The following NEK11 variants were observed in gnomAD, a reference collection of about 807,000 sequenced individuals.
NEK11 encodes the protein serine/threonine-protein kinase Nek11.
Under a neutral mutation model 80.7 loss-of-function variants are expected in NEK11, and 72 were observed. That is an observed-to-expected ratio of 0.89 (90% confidence interval 0.74 to 1.08). NEK11 has a LOEUF of 1.08. Among genes scored for constraint, NEK11 ranks in the 50% least tolerant of loss-of-function variants. The pLI, the probability that NEK11 is intolerant of heterozygous loss-of-function variation, is 0.00. For missense variants in NEK11, 764 were observed against 763.6 expected, an observed-to-expected ratio of 1.00 and a Z score of -0.01; for synonymous variants, 251 against 260.7, an observed-to-expected ratio of 0.96 and a Z score of 0.36.
intron 17 of NEK11, chr3:131,327,115 T>C (rs911688975): frequency 6.6e-6 from 1 of 152,278 alleles, no homozygotes; most frequent in Non-Finnish European, 1.5e-5. Flanking sequence ...AATTCTAATA[T>C]TTATAAATTA....
intron 3 of NEK11, among the ~76,000 whole-genome samples, chr3:131,047,822 G>A (rs183871873): frequency 6.6e-6 from 1 of 152,214 alleles, no homozygotes; most frequent in Non-Finnish European, 1.5e-5. Context: ...CAGGTGGTAG[G>A]TGGGACCATA....
intron 14 of NEK11, among the ~76,000 whole-genome samples, chr3:131,205,693 C>T (rs1367687174): frequency 6.6e-6 from 1 of 152,140 alleles, no homozygotes; most frequent in Non-Finnish European, 1.5e-5. Context: ...CCAGTACCTC[C>T]CTGTTAATTG....
intron 14 of NEK11, among the ~76,000 whole-genome samples, chr3:131,222,111 G>T (rs1435506928): frequency 1.3e-5 from 2 of 152,040 alleles, no homozygotes; most frequent in Non-Finnish European, 2.9e-5. Flanking sequence ...ATATCTTTCA[G>T]AGCTACAAGA....
chr3:131,131,691 A>G (rs1010019114), intron 5 of NEK11, among the ~76,000 whole-genome samples: 2 of 151,576 alleles, frequency 1.3e-5, no homozygotes, highest in Non-Finnish European at 2.9e-5. Flanking sequence ...GATATTCTCT[A>G]TTGGTTTCTT....
intron 3 of NEK11, among the ~76,000 whole-genome samples, chr3:131,062,898 A>C (rs2071160005): frequency 6.6e-6 from 1 of 152,230 alleles, no homozygotes; most frequent in Non-Finnish European, 1.5e-5. Context: ...CACTGTAATC[A>C]ACTACATAAA....
chr3:131,169,688 C>T lies in NEK11; in HGVS notation c.1284+751C>T, dbSNP rs77488289. ...GTACATAGCAGATCAGGTCTCCATA[C>T]GTGGAGAGGTAATGGGGATCAAAGA... On this transcript the variant is annotated intron_variant, in intron 13 of 17. Transcript: ENST00000383366. Among the ~76,000 whole-genome samples, 774 of 152,186 alleles carry T rather than the reference C, an allele frequency of 5.1e-3. 11 individuals are homozygous for T. Among genetic ancestry groups the T allele is most frequent in the African/African-American group, 0.018 (729 of 41,504 alleles).
chr3:131,070,283 T>A (rs1457218719), intron 3 of NEK11, among the ~76,000 whole-genome samples: 1 of 152,210 alleles, frequency 6.6e-6, no homozygotes, highest in Non-Finnish European at 1.5e-5. Flanking sequence ...TTACTACTTT[T>A]CCATTGTTTA....
chr3:131,282,020 A>G (rs1036872232), intron 17 of NEK11, among the ~76,000 whole-genome samples: 29 of 152,342 alleles, frequency 1.9e-4, no homozygotes, highest in Non-Finnish European at 3.5e-4. Flanking sequence ...GTTTCAGCTG[A>G]GATATCCAAC....
intron 7 of NEK11, chr3:131,134,261 T>G (rs2085097499): frequency 9.5e-6 from 2 of 210,992 alleles, no homozygotes. Context: ...ACCTATTAAA[T>G]AAAGTATTTG....
chr3:131,341,510 T>C (rs2097285794), intron 17 of NEK11, among the ~76,000 whole-genome samples: 1 of 152,218 alleles, frequency 6.6e-6, no homozygotes, highest in South Asian at 2.1e-4. Context: ...TATGTGTATC[T>C]ATTAAGTTCA....
At chr3:131,221,113 ATC>A (rs1401557775) in intron 14 of NEK11, among the ~76,000 whole-genome samples, 1 of 152,164 alleles carries the variant, frequency 6.6e-6, no homozygotes, top group Non-Finnish European at 1.5e-5. Context: ...GAAAGTCCTT[ATC>A]TCTTAGAGAT....
chr3:131,079,455 G>A lies in NEK11; in HGVS notation c.171-968G>A, dbSNP rs2074886580. On this transcript the variant is annotated intron_variant, in intron 3 of 17. Transcript: ENST00000383366. ...TTTTGTAAAATGTTTTCTAGTACAG[G>A]TCCTGCAGCACTTGCCCTAATGAAC... Among the ~76,000 whole-genome samples, 5 of 152,270 alleles carry A rather than the reference G, an allele frequency of 3.3e-5. No homozygotes were observed. The South Asian group carries it at 1.0e-3, about 32-fold the overall frequency.
intron 14 of NEK11, among the ~76,000 whole-genome samples, chr3:131,220,072 A>ATTT (rs1200211855): frequency 6.6e-6 from 1 of 152,192 alleles, no homozygotes; most frequent in Admixed American, 6.6e-5. Flanking sequence ...GAAGCAGCAG[A>ATTT]TGTCACCAGT....
At chr3:131,272,201 A>G (rs2096203352) in intron 16 of NEK11, among the ~76,000 whole-genome samples, 1 of 152,164 alleles carries the variant, frequency 6.6e-6, no homozygotes, top group African/African-American at 2.4e-5. Flanking sequence ...GTTATATGAG[A>G]TATGTTGAGA....
intron 14 of NEK11, chr3:131,175,137 A>G: frequency 1.0e-6 from 1 of 1,004,100 alleles, no homozygotes; most frequent in Non-Finnish European, 1.2e-6. Flanking sequence ...TTGCTAATTA[A>G]ATATGTTATG....
At chr3:131,050,149 A>C (rs1002964444) in intron 3 of NEK11, among the ~76,000 whole-genome samples, 6 of 152,232 alleles carry the variant, frequency 3.9e-5, no homozygotes, top group Admixed American at 6.5e-5. Context: ...CTGTGTGCCT[A>C]CCTGAATAAT....
intron 5 of NEK11, among the ~76,000 whole-genome samples, chr3:131,115,106 C>G (rs1224671801): frequency 6.6e-6 from 1 of 152,190 alleles, no homozygotes; most frequent in Non-Finnish European, 1.5e-5. Flanking sequence ...GATTGCCCTC[C>G]ACAGTGTGGG....
At chr3:131,074,433 A>G (rs1017502896) in intron 3 of NEK11, among the ~76,000 whole-genome samples, 6 of 152,178 alleles carry the variant, frequency 3.9e-5, no homozygotes, top group Non-Finnish European at 7.3e-5. Flanking sequence ...GTAACATTTT[A>G]ATTCCACATT....
At chr3:131,033,888 T>G (rs745909799) in intron 3 of NEK11, among the ~76,000 whole-genome samples, 1 of 152,212 alleles carries the variant, frequency 6.6e-6, no homozygotes, top group Non-Finnish European at 1.5e-5. Flanking sequence ...AGAATAAAAT[T>G]AAACTGTTAA....
Sources: allele counts gnomAD v4.1 joint callset (sites outside exome capture counted in the v4.1 genomes callset), GRCh38; gene constraint gnomAD v4.1.1; transcripts MANE v1.5; gene names NCBI Gene and HGNC (gene_info 2026-07-23, HGNC 2026-07-21).